Variants in ADIPOQ observed in about 807,000 individuals in gnomAD.
ADIPOQ encodes the protein adiponectin, C1Q and collagen domain containing, also known as adiponectin.
In ADIPOQ, 19 loss-of-function variants were observed where a neutral mutation model predicts 16.1. That is an observed-to-expected ratio of 1.18 (90% confidence interval 0.82 to 1.73). The LOEUF (loss-of-function observed/expected upper bound fraction) is 1.73. Ranked by LOEUF, ADIPOQ falls within the 40% of genes most tolerant of loss-of-function variation. The probability of loss-of-function intolerance (pLI) is 0.00; values close to 1 mark genes in which losing one functional copy is unlikely to be tolerated. For missense variants in ADIPOQ, 323 were observed against 308.3 expected, an observed-to-expected ratio of 1.05 and a Z score of -0.36; for synonymous variants, 124 against 125.5, an observed-to-expected ratio of 0.99 and a Z score of 0.08.
At chr3:186,847,897 C>T (rs1395517448) in intron 1 of ADIPOQ, among the ~76,000 whole-genome samples, 3 of 152,112 alleles carry the variant, frequency 2.0e-5, no homozygotes, top group East Asian at 1.9e-4. Context: ...ACAGGCCGGG[C>T]GCAGTGGCTC....
In ADIPOQ at chr3:186,857,890, TC is replaced by T. The variant is rs1712066692; in HGVS notation, c.*3188del. ...CTAAAAATAACATACGCACTCAACT[TC>T]CTTTTCTTTCTTCCTTCCTTTCTTT... On this transcript the variant is annotated 3_prime_UTR_variant, in exon 3 of 3. Transcript: ENST00000320741. The T allele has an allele frequency of 3.3e-5, 5 of 152,090 alleles. No individual in the cohort carries two copies. The highest frequency in any genetic ancestry group is 3.3e-4 in the Admixed American group (5 of 15,246). 9.4% of individuals were successfully genotyped at this position (152,090 alleles called of 1,614,324 possible).
Position 186,854,890 on chromosome 3 carries a change from C to A in ADIPOQ, c.*186C>A. 2 of 846,366 alleles carry A rather than the reference C, an allele frequency of 2.4e-6. No individual in the cohort carries two copies. The highest frequency in any genetic ancestry group is 3.6e-6 in the Non-Finnish European group (2 of 555,006). The allele number at this position is 846,366 out of a possible 1,614,324, so 52.4% of individuals were successfully genotyped here. ...AAAAATCATATGCTATGTTCCCAGT[C>A]CTGGGGAGCTTCACAAACATGACCA... On this transcript the variant is annotated 3_prime_UTR_variant, in exon 3 of 3. Transcript: ENST00000320741.
chr3:186,853,012 C>T, intron 1 of ADIPOQ, 39 bp from the exon 2 acceptor site: 1 of 1,608,580 alleles, frequency 6.2e-7, no homozygotes, highest in Non-Finnish European at 8.5e-7. Flanking sequence ...TGTGTGGGGT[C>T]TGTCTCTCCA....
At chr3:186,843,713 G>A (rs1366549779) in intron 1 of ADIPOQ, among the ~76,000 whole-genome samples, 4 of 150,504 alleles carry the variant, frequency 2.7e-5, no homozygotes, top group African/African-American at 7.3e-5. Context: ...GAGATAAAAT[G>A]AGAAAAGCCT....
chr3:186,853,102 G>A lies in ADIPOQ; in HGVS notation c.44G>A (p.Gly15Asp). 6.2e-7 allele frequency: 1 copy of A among 1,614,180 alleles called. No homozygotes were observed. ...GTTCTACTGCTATTAGCTCTGCCCG[G>A]TCATGACCAGGAAACCACGACTCAA... ...GAVLLLLALP[G>D]HDQETTTQGP... The change falls in exon 2 of 3, where the codon GGT (glycine) becomes GAT (aspartate). Residue 15 changes from glycine to aspartate, a missense_variant. Coordinates refer to ENST00000320741, the MANE Select transcript of ADIPOQ (RefSeq NM_004797.4).
Position 186,853,079 on chromosome 3 carries a change from TCTA to T in ADIPOQ, c.24_26del (p.Leu11del), listed in dbSNP as rs547607723. 5.8e-4 allele frequency: 932 copies of T among 1,614,180 alleles called. 8 individuals carry two copies. The highest frequency in any genetic ancestry group is 4.6e-3 in the South Asian group (418 of 91,082). On this transcript the variant is annotated inframe_deletion, in exon 2 of 3. Transcript: ENST00000320741. ...TCAGGATGCTGTTGCTGGGAGCTGT[TCTA>T]CTGCTATTAGCTCTGCCCGGTCATG... is the stretch of plus-strand genomic sequence containing the variant.
chr3:186,853,250 G>A lies in ADIPOQ; in HGVS notation c.192G>A (p.Glu64=), dbSNP rs1276513186. Residue 64 remains glutamate, a synonymous_variant, in exon 2 of 3, where the codon GAG becomes GAA. Coordinates refer to ENST00000320741, the MANE Select transcript of ADIPOQ (RefSeq NM_004797.4). ...ATGGCAGAGATGGCACCCCTGGTGA[G>A]AAGGGTGAGAAAGGAGATCCAGGTA... The part of the protein sequence containing the change: ...GRDGRDGTPG[E]KGEKGDPGLI... 6.2e-7 allele frequency: 1 copy of A among 1,608,356 alleles called. No homozygotes were observed. The highest frequency in any genetic ancestry group is 8.5e-7 in the Non-Finnish European group (1 of 1,177,244).
At chr3:186,852,999 G>A (rs576839771) in intron 1 of ADIPOQ, 52 bp from the exon 2 acceptor site, 10 of 1,588,032 alleles carry the variant, frequency 6.3e-6, no homozygotes, top group Middle Eastern at 1.7e-4. Context: ...CCAACTGGGT[G>A]TGTGTGTGGG....
Position 186,854,734 on chromosome 3 carries a change from C to T in ADIPOQ, c.*30C>T. 2 of 1,612,414 alleles carry T rather than the reference C, an allele frequency of 1.2e-6. No individual in the cohort carries two copies. Among genetic ancestry groups the T allele is most frequent in the South Asian group, 2.2e-5 (2 of 90,976 alleles). On this transcript the variant is annotated 3_prime_UTR_variant, in exon 3 of 3. Coordinates refer to ENST00000320741, the MANE Select transcript of ADIPOQ (RefSeq NM_004797.4). ...CACTAACTCAGAGCCTCCTCCAGGC[C>T]AAACAGCCCCAAAGTCAATTAAAGG...
chr3:186,850,711 T>C (rs1294846437), intron 1 of ADIPOQ, among the ~76,000 whole-genome samples: 3 of 152,172 alleles, frequency 2.0e-5, no homozygotes, highest in East Asian at 3.9e-4. Context: ...AGACTAGCAC[T>C]CACTCTGAGA....
At chr3:186,849,769 GA>G (rs1320704252) in intron 1 of ADIPOQ, among the ~76,000 whole-genome samples, 1 of 152,140 alleles carries the variant, frequency 6.6e-6, no homozygotes, top group Non-Finnish European at 1.5e-5. Flanking sequence ...TATAGTGAGA[GA>G]AAAAATTAAT....
chr3:186,847,903 G>A (rs1274247089), intron 1 of ADIPOQ, among the ~76,000 whole-genome samples: 2 of 152,132 alleles, frequency 1.3e-5, no homozygotes, highest in Admixed American at 1.3e-4. Flanking sequence ...CGGGCGCAGT[G>A]GCTCATGCCT....
At position 186,850,184 on chromosome 3, in the gene ADIPOQ, C is replaced by T. The variant is rs148752829; in HGVS notation, c.-8-2867C>T. ...ACTTGGGAGGCTAAGGCATGAGAAT[C>T]GCTTGAACCTGGGAGGTGGAGGCTG... On this transcript the variant is annotated intron_variant, in intron 1 of 2. Transcript: ENST00000320741. 1.7e-3 allele frequency among the ~76,000 whole-genome samples: 257 copies of T among 149,518 alleles called. 1 individual carries two copies. Among genetic ancestry groups the T allele is most frequent in the African/African-American group, 6.1e-3 (246 of 40,660 alleles).
In ADIPOQ at chr3:186,853,284, T is replaced by A. The variant is rs1189680118; in HGVS notation, c.214+12T>A. The stretch of plus-strand genomic sequence containing the variant: ...GAAAGGAGATCCAGGTAAGAATGTT[T>A]CTGGCCTCTTTCATCACAGACCTCC... On this transcript the variant is annotated intron_variant, in intron 2 of 2. Coordinates refer to ENST00000320741, the MANE Select transcript of ADIPOQ (RefSeq NM_004797.4). 2 of 1,576,242 alleles carry A rather than the reference T, an allele frequency of 1.3e-6. No homozygotes were observed. Among genetic ancestry groups the A allele is most frequent in the Non-Finnish European group, 1.7e-6 (2 of 1,159,936 alleles).
intron 1 of ADIPOQ, among the ~76,000 whole-genome samples, chr3:186,846,099 C>T (rs573094094): frequency 1.7e-4 from 26 of 152,004 alleles, no homozygotes; most frequent in African/African-American, 5.8e-4. Flanking sequence ...AGATAAATAA[C>T]GTGTAAAATC....
At chr3:186,852,948 G>T in intron 1 of ADIPOQ, 103 bp from the exon 2 acceptor site, 1 of 1,222,474 alleles carries the variant, frequency 8.2e-7, no homozygotes, top group East Asian at 2.4e-5. Context: ...GCAGCTCCTA[G>T]AAGTAGACTC....
intron 1 of ADIPOQ, among the ~76,000 whole-genome samples, chr3:186,845,183 T>C (rs1711550178): frequency 6.6e-6 from 1 of 151,506 alleles, no homozygotes; most frequent in Non-Finnish European, 1.5e-5. Context: ...TGGAGGTGTG[T>C]GTATGGGTGC....
At chr3:186,852,664 G>A (rs17366568) in intron 1 of ADIPOQ, 19,980 of 219,184 alleles carry the variant, frequency 0.091, 1,200 homozygotes, top group Middle Eastern at 0.15. Flanking sequence ...GGTTAGCATT[G>A]AATGGAGCAA....
Position 186,848,178 on chromosome 3 carries a change from C to CAA in ADIPOQ, c.-8-4864_-8-4863dup, listed in dbSNP as rs56119991. On this transcript the variant is annotated intron_variant, in intron 1 of 2. Coordinates refer to ENST00000320741, the MANE Select transcript of ADIPOQ (RefSeq NM_004797.4). ...ACAAAGCGAGACTCCACTTCAGAAACAAAAAAAAAAGAGAGAGAGAAAAGA... is the reference window on the plus strand; with the variant it reads ...ACAAAGCGAGACTCCACTTCAGAAACAAAAAAAAAAAAGAGAGAGAGAAAAGA... Among the ~76,000 whole-genome samples, 12 of 23,534 alleles carry CAA rather than the reference C, an allele frequency of 5.1e-4. 1 individual carries two copies. The highest frequency in any genetic ancestry group is 1.1e-3 in the African/African-American group (2 of 1,806). The allele number at this position is 23,534 out of a possible 152,430, so 15.4% of individuals were successfully genotyped here. A position where few individuals can be genotyped will look rare whatever the true frequency, so the allele number is the denominator to read the frequency against.
Sources: gnomAD v4.1 joint callset for allele counts (sites outside exome capture counted in the v4.1 genomes callset) on GRCh38, gnomAD v4.1.1 for gene constraint, MANE v1.5 for transcripts, NCBI Gene and HGNC (gene_info 2026-07-23, HGNC 2026-07-21) for gene names.